Variants in PYM1 observed in about 807,000 individuals in gnomAD.
PYM1 encodes partner of Y14 and mago.
Under a neutral mutation model 20.7 loss-of-function variants are expected in PYM1, and 7 were observed. That is an observed-to-expected ratio of 0.34 (90% CI 0.19 to 0.64). The LOEUF (loss-of-function observed/expected upper bound fraction) is 0.64, where lower values mean the gene tolerates loss of function less well. Ranked by LOEUF, PYM1 falls within the 30% of genes least tolerant of loss-of-function variation. PYM1 has a pLI of 0.74. For missense variants in PYM1, 194 were observed against 250.0 expected, an observed-to-expected ratio of 0.78 and a Z score of 1.51; for synonymous variants, 100 against 99.2, an observed-to-expected ratio of 1.01 and a Z score of -0.05.
chr12:55,916,124 CAG>C (rs1883002620), intron 1 of PYM1, among the ~76,000 whole-genome samples: 1 of 152,080 alleles, frequency 6.6e-6, no homozygotes, highest in Non-Finnish European at 1.5e-5. Flanking sequence ...CACCTGAGGT[CAG>C]GAGTTCGAGA....
chr12:55,914,194 A>C (rs139054187), intron 1 of PYM1: 1 of 666,348 alleles, frequency 1.5e-6, no homozygotes, highest in African/African-American at 1.8e-5. Context: ...CTGTAATGAA[A>C]GGCAGAGCAG....
chr12:55,916,891 G>A (rs184570501), intron 1 of PYM1, among the ~76,000 whole-genome samples: 391 of 152,006 alleles, frequency 2.6e-3, no homozygotes, highest in Non-Finnish European at 4.3e-3. Flanking sequence ...CAGGCAGATC[G>A]CTTGCATCCA....
At chr12:55,902,982 C>T (rs115128871) in intron 2 of PYM1, among the ~76,000 whole-genome samples, 3,091 of 152,198 alleles carry the variant, frequency 0.02, 105 homozygotes, top group African/African-American at 0.068. Context: ...GGGGTTTCAC[C>T]ACTTTGGGGA....
intron 1 of PYM1, among the ~76,000 whole-genome samples, chr12:55,916,085 A>G (rs191361105): frequency 1.3e-5 from 2 of 152,368 alleles, no homozygotes; most frequent in African/African-American, 2.4e-5. Flanking sequence ...CTGTAATCCC[A>G]GCACTTTGGG....
intron 1 of PYM1, among the ~76,000 whole-genome samples, chr12:55,918,346 C>T (rs867380634): frequency 9.2e-5 from 14 of 152,100 alleles, no homozygotes; most frequent in African/African-American, 3.1e-4. Context: ...ATGATCCGCC[C>T]GCTTCGGCCT....
chr12:55,903,276 C>A, intron 2 of PYM1, 111 bp downstream of exon 2: 1 of 903,354 alleles, frequency 1.1e-6, no homozygotes, highest in Non-Finnish European at 1.7e-6. Context: ...GCCCCTCCTT[C>A]CATTTCCTTG....
chr12:55,927,813 C>T lies in PYM1; in HGVS notation c.-52G>A, dbSNP rs761996131. 88 of 1,521,906 alleles carry T rather than the reference C, an allele frequency of 5.8e-5. 2 individuals are homozygous for T. Among genetic ancestry groups the T allele is most frequent in the South Asian group, 2.5e-4 (21 of 82,932 alleles). The allele number at this position is 1,521,906 out of a possible 1,614,324, so 94.3% of individuals were successfully genotyped here. A position where few individuals can be genotyped will look rare whatever the true frequency, so the allele number is the denominator to read the frequency against. On this transcript the variant is annotated 5_prime_UTR_variant, in exon 1 of 3. Coordinates refer to ENST00000408946, the MANE Select transcript of PYM1 (RefSeq NM_032345.3). The stretch of plus-strand genomic sequence containing the variant: ...GGCGGGCGGCCCTGGCCTGGCTCTG[C>T]CCCGCTGGGCGGCGCCGGGGATTCG...
chr12:55,902,288 C>T lies in PYM1; in HGVS notation c.199G>A (p.Ala67Thr), dbSNP rs1882708208. 1.9e-6 allele frequency: 3 copies of T among 1,614,066 alleles called. No individual in the cohort carries two copies. The highest frequency in any genetic ancestry group is 1.1e-5 in the South Asian group (1 of 91,094). The change falls in exon 3 of 3, where the codon GCC (alanine) becomes ACC (threonine). Residue 67 changes from alanine (A) to threonine (T), a missense_variant. Physicochemically the swap from Ala to Thr is moderately conservative, Grantham distance 58. Coordinates refer to ENST00000408946, the MANE Select transcript of PYM1 (RefSeq NM_032345.3). Reference protein sequence around the residue: ...PELPPGLSPEATAPVTPSRPE... With the variant: ...PELPPGLSPETTAPVTPSRPE... The stretch of plus-strand genomic sequence containing the variant: ...CTGGATGGGGTGACAGGAGCAGTGG[C>T]CTCAGGGCTTAGCCCTGGGGGCAAC...
At chr12:55,907,870 T>C (rs1164340849) in intron 1 of PYM1, among the ~76,000 whole-genome samples, 1 of 151,778 alleles carries the variant, frequency 6.6e-6, no homozygotes, top group Non-Finnish European at 1.5e-5. Context: ...ACCCGGGAAG[T>C]GGGGTTGCAG....
At position 55,903,413 on chromosome 12, in the gene PYM1, T is replaced by G. The variant is rs770912941; in HGVS notation, c.105A>C (p.Gly35=). Residue 35 remains glycine, a synonymous_variant, in exon 2 of 3, where the codon GGA becomes GGC. Transcript: ENST00000408946. ...TWRKQRRVKE[G]YVPQEEVPVY... ...CTGGGACCTCCTCCTGGGGCACATA[T>G]CCTTCTTTCACCCTCCGCTGCTTGC... 6.2e-7 allele frequency: 1 copy of G among 1,614,082 alleles called. No homozygotes were observed. The highest frequency in any genetic ancestry group is 8.5e-7 in the Non-Finnish European group (1 of 1,180,008).
chr12:55,919,822 A>G (rs748232712), intron 1 of PYM1, among the ~76,000 whole-genome samples: 1 of 151,678 alleles, frequency 6.6e-6, no homozygotes, highest in Non-Finnish European at 1.5e-5. Context: ...GCTTGAGCCC[A>G]GTTGGCAGAG....
intron 1 of PYM1, among the ~76,000 whole-genome samples, chr12:55,921,896 G>GT (rs561966304): frequency 7.2e-4 from 109 of 152,170 alleles, no homozygotes; most frequent in Admixed American, 1.2e-3. Flanking sequence ...TTTTTTAATT[G>GT]TTTTTTGAGA....
intron 2 of PYM1, among the ~76,000 whole-genome samples, chr12:55,902,965 T>G (rs934659055): frequency 1.2e-4 from 18 of 152,098 alleles, no homozygotes; most frequent in Middle Eastern, 3.2e-3. Flanking sequence ...GTATTTTTAG[T>G]ACAGACGGGG....
At chr12:55,926,542 G>A (rs705714) in intron 1 of PYM1, among the ~76,000 whole-genome samples, 5,832 of 152,250 alleles carry the variant, frequency 0.038, 379 homozygotes, top group African/African-American at 0.13. Context: ...AGTTGTATTA[G>A]GGTCCTCTTC....
At chr12:55,904,000 A>C (rs1431144353) in intron 1 of PYM1, among the ~76,000 whole-genome samples, 1 of 151,874 alleles carries the variant, frequency 6.6e-6, no homozygotes, top group Non-Finnish European at 1.5e-5. Context: ...ATGGAGTTTC[A>C]CTCTGTCACC....
At chr12:55,905,987 A>ATCTATTAGAT (rs1565714584) in intron 1 of PYM1, among the ~76,000 whole-genome samples, 36 of 124,384 alleles carry the variant, frequency 2.9e-4, no homozygotes, top group Middle Eastern at 7.6e-3. Flanking sequence ...TATTATATAT[A>ATCTATTAGAT]ATATAAAATA....
At chr12:55,902,436 T>C (rs957925468) in intron 2 of PYM1, 81 bp from the exon 3 acceptor site, 68 of 1,500,272 alleles carry the variant, frequency 4.5e-5, no homozygotes, top group Non-Finnish European at 5.7e-5. Context: ...AAACACTTCA[T>C]CCTCATTACA....
chr12:55,916,536 G>A (rs1002993696), intron 1 of PYM1, among the ~76,000 whole-genome samples: 10 of 151,984 alleles, frequency 6.6e-5, no homozygotes, highest in African/African-American at 9.7e-5. Flanking sequence ...GGTGACTCAC[G>A]CCTGTAATCC....
intron 1 of PYM1, among the ~76,000 whole-genome samples, chr12:55,924,258 T>G (rs762527967): frequency 6.6e-6 from 1 of 151,984 alleles, no homozygotes; most frequent in South Asian, 2.1e-4. Context: ...CATAGGCAAC[T>G]CGAGAGAGGG....
Sources: gnomAD v4.1 joint callset for allele counts (sites outside exome capture counted in the v4.1 genomes callset) on GRCh38, gnomAD v4.1.1 for gene constraint, MANE v1.5 for transcripts, NCBI Gene and HGNC (gene_info 2026-07-23, HGNC 2026-07-21) for gene names.